SLC22A11: variants seen among roughly 807,000 people sequenced by gnomAD.
The protein encoded by SLC22A11 is solute carrier family 22 member 11.
In SLC22A11, 42 loss-of-function variants were observed where a neutral mutation model predicts 49.4. The observed-to-expected ratio is 0.85, with a 90% CI of 0.66 to 1.10. SLC22A11 has a LOEUF of 1.10. Ranked by LOEUF, SLC22A11 falls within the 50% of genes least tolerant of loss-of-function variation. The pLI is 0.00. For synonymous variants in SLC22A11, 304 were observed against 315.8 expected (o/e 0.96, Z 0.40); for missense variants, 685 against 731.6 (o/e 0.94, Z 0.74).
Position 64,572,413 on chromosome 11 carries a change from T to C in SLC22A11, c.*1371T>C, listed in dbSNP as rs1488498792. ...CCTAGCCCTCGTCTCCAACCCTCCA[T>C]GCCACTGATATCTGTGGCCCTGCCA... On this transcript the variant is annotated 3_prime_UTR_variant, in exon 10 of 10. Transcript: ENST00000301891. 2 of 152,280 alleles carry C rather than the reference T, an allele frequency of 1.3e-5. No homozygotes were observed. The highest frequency in any genetic ancestry group is 2.9e-5 in the Non-Finnish European group (2 of 68,106). 9.4% of individuals were successfully genotyped at this position (152,280 alleles called of 1,614,324 possible).
Position 64,564,301 on chromosome 11 carries a change from C to T in SLC22A11, c.822-7C>T. The T allele has an allele frequency of 6.2e-7, 1 of 1,614,020 alleles. No homozygotes were observed. Among genetic ancestry groups the T allele is most frequent in the South Asian group, 1.1e-5 (1 of 91,080 alleles). ...GCACTCCCAGCTACACACCTGCCTC[C>T]TTACAGGTGGCTGCCAGAATCCGCC... On this transcript the variant is annotated splice_polypyrimidine_tract_variant and splice_region_variant and intron_variant, in intron 4 of 9. Transcript: ENST00000301891. This position sits in a 1 kb window ranked among gnomAD's most constrained non-coding sequence, Gnocchi z 4.2.
chr11:64,556,321 G>A lies in SLC22A11; in HGVS notation c.322G>A (p.Ala108Thr), dbSNP rs1315549368. ...TGCCACGGCCACCAGCTGGAGCGAA[G>A]CTGACACGGAGCCGTGTGTGGACGG... ...PNATATSWSE[A>T]DTEPCVDGWV... Residue 108 changes from alanine (A) to threonine (T), a missense_variant, in exon 1 of 10, where the codon GCT becomes ACT. Transcript: ENST00000301891. 6.2e-7 allele frequency: 1 copy of A among 1,613,524 alleles called. No homozygotes were observed. Among genetic ancestry groups the A allele is most frequent in the Non-Finnish European group, 8.5e-7 (1 of 1,180,028 alleles).
intron 2 of SLC22A11, among the ~76,000 whole-genome samples, chr11:64,561,602 A>G (rs996864657): frequency 6.9e-6 from 1 of 144,862 alleles, no homozygotes; most frequent in South Asian, 2.3e-4. Flanking sequence ...ACACCTGGCT[A>G]ATTTATTTAT....
chr11:64,569,158 A>T (rs947997778), intron 8 of SLC22A11, among the ~76,000 whole-genome samples: 2 of 152,138 alleles, frequency 1.3e-5, no homozygotes, highest in Non-Finnish European at 2.9e-5. Context: ...CATAAAACAC[A>T]AATGGAAAAC....
At position 64,571,063 on chromosome 11, in the gene SLC22A11, C is replaced by T. The variant is rs1259466394; in HGVS notation, c.*21C>T. On this transcript the variant is annotated 3_prime_UTR_variant, in exon 10 of 10. Coordinates refer to ENST00000301891, the MANE Select transcript of SLC22A11 (RefSeq NM_018484.4). ...TCTAGAAATTGTGCCTGCATGGAGCCCCTTTAGTCAAAGACTCCTGGAAAG... is the reference window on the plus strand; with the variant it reads ...TCTAGAAATTGTGCCTGCATGGAGCTCCTTTAGTCAAAGACTCCTGGAAAG... 6.2e-7 allele frequency: 1 copy of T among 1,613,894 alleles called. No individual in the cohort carries two copies. Among genetic ancestry groups the T allele is most frequent in the South Asian group, 1.1e-5 (1 of 91,072 alleles).
intron 6 of SLC22A11, among the ~76,000 whole-genome samples, chr11:64,567,024 C>T (rs2038634295): frequency 6.6e-6 from 1 of 151,816 alleles, no homozygotes. Context: ...CCCAGCCCAG[C>T]CCCTGGGAGC....
rs1407521422 is a variant in SLC22A11 at position 64,565,443 on chromosome 11, C to A, written c.1058+106C>A. 6.7e-6 allele frequency: 6 copies of A among 897,214 alleles called. No homozygotes were observed. In the East Asian group the frequency reaches 1.6e-4, roughly 24 times the overall value. 55.6% of individuals were successfully genotyped at this position (897,214 alleles called of 1,614,324 possible). A position where few individuals can be genotyped will look rare whatever the true frequency, so the allele number is the denominator to read the frequency against. ...TCCAGGGGAAACAGCACCCGCAGGCCTCAAGGGGGTGCATTTCTGTCTGGG... is the reference window on the plus strand; with the variant it reads ...TCCAGGGGAAACAGCACCCGCAGGCATCAAGGGGGTGCATTTCTGTCTGGG... On this transcript the variant is annotated intron_variant, in intron 6 of 9. Coordinates refer to ENST00000301891, the MANE Select transcript of SLC22A11 (RefSeq NM_018484.4). This position sits in a 1 kb window ranked among gnomAD's most constrained non-coding sequence, Gnocchi z 4.1.
rs1482977556 is a variant in SLC22A11, at chr11:64,567,606, C to T, written c.1066C>T (p.Leu356=). ...TTCCAGCCTTGCCCGCAGTTTCTCT[C>T]TATTGATCTCCTACTATGGGCTGGT... ...SCAMLVVNFS[L]LISYYGLVFD... The change falls in exon 7 of 10, where the codon CTA becomes TTA. Residue 356 remains leucine (L), a synonymous_variant. Transcript: ENST00000301891. The T allele has an allele frequency of 6.2e-7, 1 of 1,614,024 alleles. No individual in the cohort carries two copies. The highest frequency in any genetic ancestry group is 8.5e-7 in the Non-Finnish European group (1 of 1,180,002).
In SLC22A11 at chr11:64,569,705, G is replaced by A. The variant is rs563804114; in HGVS notation, c.1436G>A (p.Gly479Asp). 15 of 1,614,098 alleles carry A rather than the reference G, an allele frequency of 9.3e-6. No homozygotes were observed. In the South Asian group the frequency reaches 1.5e-4, roughly 17 times the overall value. The change falls in exon 9 of 10, where the codon GGT becomes GAT. Residue 479 changes from glycine (G) to aspartate (D), a missense_variant. Coordinates refer to ENST00000301891, the MANE Select transcript of SLC22A11 (RefSeq NM_018484.4). ...GTGGGCCGGCTGGGGGCTATGATGG[G>A]TCCCCTGATCCTGATGAGCCGCCAA... ...HTVGRLGAMM[G>D]PLILMSRQAL...
rs2038718240 is a variant in SLC22A11, at chr11:64,572,587, T to G, written c.*1545T>G. 6.6e-6 allele frequency: 1 copy of G among 152,466 alleles called. No individual in the cohort carries two copies. Among genetic ancestry groups the G allele is most frequent in the South Asian group, 2.1e-4 (1 of 4,828 alleles). The allele number at this position is 152,466 out of a possible 1,614,324, so 9.4% of individuals were successfully genotyped here. A position where few individuals can be genotyped will look rare whatever the true frequency, so the allele number is the denominator to read the frequency against. On this transcript the variant is annotated 3_prime_UTR_variant, in exon 10 of 10. Transcript: ENST00000301891. ...CAAATCCACCTACTTCCCTTCACTC[T>G]GGCTACACCCTGGTTCACACCACGG...
Position 64,562,229 on chromosome 11 carries a change from C to A in SLC22A11, c.653-38C>A. Reference sequence around the variant, plus strand: ...CAGGAGAGAATGGGGCTCAGGCCGCCGCATGAGGCCTCACCTGCACGTGTC... The same window carrying A: ...CAGGAGAGAATGGGGCTCAGGCCGCAGCATGAGGCCTCACCTGCACGTGTC... On this transcript the variant is annotated intron_variant, in intron 3 of 9. Transcript: ENST00000301891. The surrounding 1 kb of genome is among the most constrained non-coding windows in gnomAD (Gnocchi z 4.4). 6.3e-7 allele frequency: 1 copy of A among 1,599,552 alleles called. No homozygotes were observed. Among genetic ancestry groups the A allele is most frequent in the East Asian group, 2.2e-5 (1 of 44,568 alleles).
At chr11:64,570,371 A>G (rs1333358881) in intron 9 of SLC22A11, among the ~76,000 whole-genome samples, 2 of 152,242 alleles carry the variant, frequency 1.3e-5, no homozygotes, top group Non-Finnish European at 2.9e-5. Context: ...CCCTGGCTGC[A>G]TTTTATAGCC....
At position 64,565,829 on chromosome 11, in the gene SLC22A11, T is replaced by C. The variant is rs898678408; in HGVS notation, c.1058+492T>C. 1 of 292,832 alleles carries C rather than the reference T, an allele frequency of 3.4e-6. No individual in the cohort carries two copies. The highest frequency in any genetic ancestry group is 6.9e-6 in the Non-Finnish European group (1 of 145,372). 18.1% of individuals were successfully genotyped at this position (292,832 alleles called of 1,614,324 possible). On this transcript the variant is annotated intron_variant, in intron 6 of 9. Transcript: ENST00000301891. This position sits in a 1 kb window ranked among gnomAD's most constrained non-coding sequence, Gnocchi z 4.1. ...GGGGTAAGGAACAAGCCCAAAATAATAGAGCCTGCATTGGAACCGGGCTGA... is the reference window on the plus strand; with the variant it reads ...GGGGTAAGGAACAAGCCCAAAATAACAGAGCCTGCATTGGAACCGGGCTGA...
intron 1 of SLC22A11, among the ~76,000 whole-genome samples, chr11:64,558,264 C>T (rs1434542889): frequency 2.0e-5 from 3 of 152,212 alleles, no homozygotes; most frequent in Admixed American, 2.0e-4. Context: ...GAACCTCATC[C>T]TCGTCATCCT....
At chr11:64,559,086 C>T in intron 1 of SLC22A11, 49 bp from the exon 2 acceptor site, 1 of 1,542,578 alleles carries the variant, frequency 6.5e-7, no homozygotes, top group African/African-American at 1.4e-5. Flanking sequence ...GTGCCCAGCC[C>T]TGTGATTTCA....
rs1273468063 is a variant in SLC22A11, at chr11:64,568,665, C to T, written c.1274-5C>T. The T allele has an allele frequency of 2.5e-6, 4 of 1,613,662 alleles. No individual in the cohort carries two copies. In the East Asian group the frequency reaches 6.7e-5, roughly 27 times the overall value. On this transcript the variant is annotated splice_region_variant and splice_polypyrimidine_tract_variant and intron_variant, in intron 7 of 9. Transcript: ENST00000301891. ...ACCCCACTCTCACCCCCTTCCTGTA[C>T]CCAGATTTGCAGACCCTGCGTGTGG...
chr11:64,560,307 G>A lies in SLC22A11; in HGVS notation c.497+1069G>A, dbSNP rs183585731. ...GGTGTCCTCTGCAGTGGCCGTCCACGCTGCCACAGCACTGAGTGACTTTGC... is the reference window on the plus strand; with the variant it reads ...GGTGTCCTCTGCAGTGGCCGTCCACACTGCCACAGCACTGAGTGACTTTGC... On this transcript the variant is annotated intron_variant, in intron 2 of 9. Coordinates refer to ENST00000301891, the MANE Select transcript of SLC22A11 (RefSeq NM_018484.4). Among the ~76,000 whole-genome samples, 356 of 151,990 alleles carry A rather than the reference G, an allele frequency of 2.3e-3. 3 individuals carry two copies. Among genetic ancestry groups the A allele is most frequent in the African/African-American group, 8.3e-3 (342 of 41,406 alleles).
At chr11:64,566,629 C>T (rs1170525504) in intron 6 of SLC22A11, 1 of 152,178 alleles carries the variant, frequency 6.6e-6, no homozygotes, top group Non-Finnish European at 1.5e-5. Context: ...CTGTCCAAGG[C>T]TCCAGTGTCG....
chr11:64,571,169 T>A lies in SLC22A11; in HGVS notation c.*127T>A. ...TGGCATGGCAGAGGCCAGGCAGCCG[T>A]GGCCGAGTGGACAGCGTGGCCGTCT... On this transcript the variant is annotated 3_prime_UTR_variant, in exon 10 of 10. Coordinates refer to ENST00000301891, the MANE Select transcript of SLC22A11 (RefSeq NM_018484.4). 5 of 997,724 alleles carry A rather than the reference T, an allele frequency of 5.0e-6. No individual in the cohort carries two copies. In the East Asian group the frequency reaches 1.2e-4, roughly 24 times the overall value. 61.8% of individuals were successfully genotyped at this position (997,724 alleles called of 1,614,324 possible).
Sources: gnomAD v4.1 joint callset for allele counts (sites outside exome capture counted in the v4.1 genomes callset) on GRCh38, gnomAD v4.1.1 for gene constraint, Gnocchi (gnomAD v3.1) non-coding constraint, MANE v1.5 for transcripts, NCBI Gene and HGNC (gene_info 2026-07-23, HGNC 2026-07-21) for gene names.